EPHX3: variants seen among roughly 807,000 people sequenced by gnomAD.
EPHX3 encodes epoxide hydrolase 3.
In EPHX3, 39 loss-of-function variants were observed where a neutral mutation model predicts 40.2. The observed-to-expected ratio is 0.97, with a 90% CI of 0.75 to 1.27. The LOEUF (loss-of-function observed/expected upper bound fraction) is 1.27, where lower values mean the gene tolerates loss of function less well. EPHX3 is among the 50% of genes most tolerant of loss of function. The pLI is 0.00. For synonymous variants in EPHX3, 213 were observed against 209.7 expected (o/e 1.02, Z -0.14); for missense variants, 442 against 474.0 (o/e 0.93, Z 0.63).
chr19:15,236,784 G>A (rs2047194960), upstream of EPHX3: 1 of 177,850 alleles, frequency 5.6e-6, no homozygotes, highest in Non-Finnish European at 1.2e-5. Flanking sequence ...GGGTCCCCTG[G>A]GCCTAGCCTA....
At chr19:15,232,525 G>C, upstream of EPHX3, 2 of 972,428 alleles carry the variant, frequency 2.1e-6, no homozygotes, top group Non-Finnish European at 2.7e-6. Context: ...CCTGTGCGGG[G>C]CTTAGGGCCG....
At chr19:15,233,351 C>T (rs1168987042), upstream of EPHX3, 3 of 152,360 alleles carry the variant, frequency 2.0e-5, no homozygotes, top group Non-Finnish European at 4.4e-5. Context: ...GTGCTACCCA[C>T]CCAGGGGCGC....
chr19:15,228,503 ATTTTTTTTTTTTT>A (rs780716729), intron 4 of EPHX3, among the ~76,000 whole-genome samples: 68 of 62,742 alleles, frequency 1.1e-3, no homozygotes, highest in Admixed American at 1.8e-3. Context: ...TGTATCTATA[ATTTTTTTTTTTTT>A]TTTTTTTTTT....
rs761013125 is a variant in EPHX3, at chr19:15,232,045, C to CA, written c.166dup (p.Cys56LeufsTer19). The CA allele has an allele frequency of 1.7e-5, 27 of 1,583,060 alleles. 1 individual carries two copies. The highest frequency in any genetic ancestry group is 2.0e-5 in the Non-Finnish European group (23 of 1,171,164). On this transcript the variant is annotated frameshift_variant, in exon 1 of 7. Coordinates refer to ENST00000221730, the MANE Select transcript of EPHX3 (RefSeq NM_024794.3). LOFTEE classifies it high-confidence loss of function. The stretch of plus-strand genomic sequence containing the variant: ...GGGGGACGCGCTCCGACGGCGCCCG[C>CA]AGCAGCCGCGCCGGGGCCGGCACAG...
chr19:15,231,054 C>T lies in EPHX3; in HGVS notation c.524G>A (p.Gly175Asp), dbSNP rs768024846. 12 of 1,613,946 alleles carry T rather than the reference C, an allele frequency of 7.4e-6. No individual in the cohort carries two copies. The East Asian group carries it at 2.4e-4, about 33-fold the overall frequency. ...GGAGAAATGCCAGGCAAGGAGGGCA[C>T]CCCAGTCATGGGCCACAAGGATGCA... is the stretch of plus-strand genomic sequence containing the variant. ...SKCILVAHDW[G>D]ALLAWHFSIY... is the part of the protein sequence containing the mutation. Residue 175 changes from glycine (G) to aspartate (D), a missense_variant, in exon 4 of 7, where the codon GGT becomes GAT. Physicochemically the swap from Gly to Asp is moderately conservative, Grantham distance 94. Transcript: ENST00000221730.
chr19:15,231,659 T>TCC, intron 2 of EPHX3, 117 bp downstream of exon 2: 1 of 1,139,700 alleles, frequency 8.8e-7, no homozygotes, highest in African/African-American at 1.5e-5. Context: ...AGTACCCCTA[T>TCC]CCCCATCTAT....
At position 15,231,070 on chromosome 19, in the gene EPHX3, C is replaced by G; in HGVS notation, c.508G>C (p.Val170Leu). The G allele has an allele frequency of 6.2e-7, 1 of 1,614,022 alleles. No homozygotes were observed. Among genetic ancestry groups the G allele is most frequent in the Non-Finnish European group, 8.5e-7 (1 of 1,180,010 alleles). The change falls in exon 4 of 7, where the codon GTG becomes CTG. Residue 170 changes from valine (V) to leucine (L), a missense_variant. By Grantham distance (32) the Val-to-Leu change is conservative. Coordinates refer to ENST00000221730, the MANE Select transcript of EPHX3 (RefSeq NM_024794.3). Reference protein sequence around the residue: ...LGLGYSKCILVAHDWGALLAW... With the variant: ...LGLGYSKCILLAHDWGALLAW... Reference sequence around the variant, plus strand: ...AGGAGGGCACCCCAGTCATGGGCCACAAGGATGCACTTCGAGTAACCTGTG... The same window carrying G: ...AGGAGGGCACCCCAGTCATGGGCCAGAAGGATGCACTTCGAGTAACCTGTG...
intron 4 of EPHX3, 75 bp from the exon 5 acceptor site, chr19:15,228,175 T>G: frequency 1.7e-6 from 2 of 1,172,170 alleles, no homozygotes; most frequent in Non-Finnish European, 2.4e-6. Context: ...CCCCTACACA[T>G]ACCCAGGTCA....
Position 15,227,419 on chromosome 19 carries a change from G to A in EPHX3, c.*18C>T. 1 of 1,604,134 alleles carries A rather than the reference G, an allele frequency of 6.2e-7. No homozygotes were observed. Among genetic ancestry groups the A allele is most frequent in the Non-Finnish European group, 8.5e-7 (1 of 1,171,172 alleles). On this transcript the variant is annotated 3_prime_UTR_variant, in exon 7 of 7. Transcript: ENST00000221730. ...CTTCCTGAGTATCCATGCCTCCTGG[G>A]CAGGCCAGCAAGGACCACTAGTCCA... is the stretch of plus-strand genomic sequence containing the variant.
At chr19:15,233,616 C>T (rs542853665), upstream of EPHX3, among the ~76,000 whole-genome samples, 20 of 152,366 alleles carry the variant, frequency 1.3e-4, no homozygotes, top group Admixed American at 5.9e-4. Flanking sequence ...GCGTGGATAC[C>T]CTGATTCCTA....
In EPHX3 at chr19:15,227,901, T is replaced by C. The variant is rs781327063; in HGVS notation, c.727A>G (p.Lys243Glu). The change falls in exon 6 of 7, where the codon AAG becomes GAG. Residue 243 changes from lysine to glutamate, a missense_variant. Transcript: ENST00000221730. ...LLSMSDFQIL[K>E]TTLTHRKTGI... ...GTCTTGCGGTGGGTGAGGGTGGTCT[T>C]CAGAATCTAGGTACACAGCAGGACT... The C allele has an allele frequency of 6.2e-7, 1 of 1,613,950 alleles. No individual in the cohort carries two copies.
Position 15,231,835 on chromosome 19 carries a change from G to A in EPHX3, c.270C>T (p.Val90=). The change falls in exon 2 of 7, where the codon GTC becomes GTT. Residue 90 remains valine (V), a synonymous_variant. Coordinates refer to ENST00000221730, the MANE Select transcript of EPHX3 (RefSeq NM_024794.3). ...LKSSGLRLHY[V]SAGRGNGPLM... ...GGGGTCCGTTACCTCGTCCAGCCGA[G>A]ACATAGTGCAGACGCAGGCCCGAGC... 6.2e-7 allele frequency: 1 copy of A among 1,613,972 alleles called. No homozygotes were observed. The highest frequency in any genetic ancestry group is 1.3e-5 in the African/African-American group (1 of 75,064).
At chr19:15,232,905 C>G (rs1367871202), upstream of EPHX3, 1 of 151,464 alleles carries the variant, frequency 6.6e-6, no homozygotes, top group East Asian at 1.9e-4. Flanking sequence ...AAGGCAATTC[C>G]GAGCCCAGAC....
chr19:15,236,973 C>G (rs2047196555), upstream of EPHX3: 2 of 199,790 alleles, frequency 1.0e-5, no homozygotes, highest in Non-Finnish European at 2.0e-5. Context: ...AGAGTGGGTT[C>G]TCATGGCACG....
chr19:15,231,004 G>A lies in EPHX3; in HGVS notation c.574C>T (p.Arg192Trp), dbSNP rs746776376. The A allele has an allele frequency of 9.9e-6, 16 of 1,613,906 alleles. No individual in the cohort carries two copies. In the African/African-American group the frequency reaches 1.7e-4, roughly 18 times the overall value. ...FSIYYPSLVERMVVVSGAPMS... is the reference protein window; with the variant it reads ...FSIYYPSLVEWMVVVSGAPMS... ...GGGGCACCACTGACCACAACCATCC[G>A]CTCGACCAGGGATGGGTAGTAGATG... The change falls in exon 4 of 7, where the codon CGG (arginine) becomes TGG (tryptophan). Residue 192 changes from arginine (R) to tryptophan (W), a missense_variant. Transcript: ENST00000221730.
At chr19:15,233,421 G>C (rs1000431304), upstream of EPHX3, 1 of 152,488 alleles carries the variant, frequency 6.6e-6, no homozygotes, top group African/African-American at 2.4e-5. Context: ...CCCAGCTGTG[G>C]TTCCAACGGC....
At position 15,232,192 on chromosome 19, in the gene EPHX3, G is replaced by T; in HGVS notation, c.20C>A (p.Thr7Asn). ...CAGGCGCGACGGCGCCAGCAGCGCG[G>T]TCACCACCAGCTCCGGCATGTCGCC... MPELVV[T>N]ALLAPSRLSL... Residue 7 changes from threonine to asparagine, a missense_variant, in exon 1 of 7, where the codon ACC (threonine) becomes AAC (asparagine). Transcript: ENST00000221730. 1 of 1,520,432 alleles carries T rather than the reference G, an allele frequency of 6.6e-7. No homozygotes were observed. Among genetic ancestry groups the T allele is most frequent in the South Asian group, 1.2e-5 (1 of 82,708 alleles). 94.2% of individuals were successfully genotyped at this position (1,520,432 alleles called of 1,614,324 possible).
At chr19:15,228,182 G>T in intron 4 of EPHX3, 82 bp from the exon 5 acceptor site, 1 of 1,114,338 alleles carries the variant, frequency 9.0e-7, no homozygotes, top group Non-Finnish European at 1.3e-6. Context: ...ACATACCCAG[G>T]TCAGGGACAC....
At chr19:15,232,532 G>T, upstream of EPHX3, 1 of 890,808 alleles carries the variant, frequency 1.1e-6, no homozygotes, top group African/African-American at 1.9e-5. Flanking sequence ...GGGGCTTAGG[G>T]CCGGGGCGGG....
Sources: allele counts gnomAD v4.1 joint callset (sites outside exome capture counted in the v4.1 genomes callset), GRCh38; gene constraint gnomAD v4.1.1; transcripts MANE v1.5; gene names NCBI Gene and HGNC (gene_info 2026-07-23, HGNC 2026-07-21).